The following FAM53B variants were observed in gnomAD, a reference collection of about 807,000 sequenced individuals.
The protein encoded by FAM53B is family with sequence similarity 53 member B.
Under a neutral mutation model 32.7 loss-of-function variants are expected in FAM53B, and 12 were observed. The observed-to-expected ratio is 0.37, with a 90% CI of 0.24 to 0.59. The LOEUF is 0.59. Among genes scored for constraint, FAM53B ranks in the 20% least tolerant of loss-of-function variants. The pLI, the probability that FAM53B is intolerant of heterozygous loss-of-function variation, is 0.72. For missense variants in FAM53B, 477 were observed against 577.7 expected (o/e 0.83, Z 1.79); for synonymous variants, 234 against 228.7 (o/e 1.02, Z -0.21).
intron 3 of FAM53B, among the ~76,000 whole-genome samples, chr10:124,690,990 T>C (rs1288729437): frequency 1.4e-4 from 21 of 152,244 alleles, no homozygotes; most frequent in Admixed American, 1.2e-3. Flanking sequence ...GATTTTGTTA[T>C]TGCTGTCACT....
intron 1 of FAM53B, among the ~76,000 whole-genome samples, chr10:124,717,376 A>C (rs1409060261): frequency 6.6e-6 from 1 of 152,240 alleles, no homozygotes; most frequent in Non-Finnish European, 1.5e-5. Context: ...GAAAATCAAT[A>C]GATTTGAAGG....
chr10:124,682,574 A>G lies in FAM53B; in HGVS notation c.134-195T>C, dbSNP rs1468784784. ...AGGAGAAGTGAATCCCAAGGCTTTG[A>G]GTTGGAAGTTGGAAGCAGAGCAGGG... is the stretch of plus-strand genomic sequence containing the variant. On this transcript the variant is annotated intron_variant, in intron 3 of 4. Coordinates refer to ENST00000337318, the MANE Select transcript of FAM53B (RefSeq NM_014661.4). This position sits in a 1 kb window ranked among gnomAD's most constrained non-coding sequence, Gnocchi z 5.2. Among the ~76,000 whole-genome samples the G allele has an allele frequency of 6.6e-6, 1 of 152,174 alleles. No homozygotes were observed. Among genetic ancestry groups the G allele is most frequent in the African/African-American group, 2.4e-5 (1 of 41,438 alleles).
intron 4 of FAM53B, among the ~76,000 whole-genome samples, chr10:124,653,453 C>T (rs897307): frequency 0.92 from 140,630 of 152,290 alleles, 65,653 homozygotes; most frequent in Non-Finnish European, 0.99. Context: ...GCCAGGGTCC[C>T]GGATGGCCAG....
chr10:124,710,061 G>A (rs981517297), intron 1 of FAM53B, among the ~76,000 whole-genome samples: 11 of 152,366 alleles, frequency 7.2e-5, no homozygotes, highest in Middle Eastern at 3.4e-3. Flanking sequence ...TAAGCAAGGC[G>A]TGGCCGCCGG....
chr10:124,713,254 CAAGAA>C (rs1950017070), intron 1 of FAM53B, among the ~76,000 whole-genome samples: 2 of 152,204 alleles, frequency 1.3e-5, no homozygotes, highest in South Asian at 4.1e-4. Flanking sequence ...ACTGAGGCTC[CAAGAA>C]AAGAAATCAA....
chr10:124,711,469 G>A (rs111609646), intron 1 of FAM53B, among the ~76,000 whole-genome samples: 8 of 152,198 alleles, frequency 5.3e-5, no homozygotes, highest in Non-Finnish European at 8.8e-5. Context: ...AGGGGACAGC[G>A]AGTAAGGGAT....
At chr10:124,635,670 C>T (rs924599497) in intron 4 of FAM53B, among the ~76,000 whole-genome samples, 3 of 152,128 alleles carry the variant, frequency 2.0e-5, no homozygotes, top group African/African-American at 4.8e-5. Context: ...AGGCACACGA[C>T]GTGTGACCAA....
chr10:124,722,446 T>C (rs7097890), intron 1 of FAM53B, among the ~76,000 whole-genome samples: 50,827 of 152,016 alleles, frequency 0.33, 8,781 homozygotes, highest in Admixed American at 0.41. Context: ...TATATTAAGC[T>C]CCCATTTGGG....
In FAM53B at chr10:124,682,476, T is replaced by C. The variant is rs1949779851; in HGVS notation, c.134-97A>G. On this transcript the variant is annotated intron_variant, in intron 3 of 4. Coordinates refer to ENST00000337318, the MANE Select transcript of FAM53B (RefSeq NM_014661.4). This position sits in a 1 kb window ranked among gnomAD's most constrained non-coding sequence, Gnocchi z 5.2. ...CCAACAGCCCGTTTCAAACACAGTATCTTAGAGCCAAAAGGCCCTTAGAAA... is the reference window on the plus strand; with the variant it reads ...CCAACAGCCCGTTTCAAACACAGTACCTTAGAGCCAAAAGGCCCTTAGAAA... The C allele has an allele frequency of 4.5e-6, 5 of 1,120,648 alleles. No individual in the cohort carries two copies. Among genetic ancestry groups the C allele is most frequent in the Non-Finnish European group, 5.0e-6 (4 of 802,482 alleles). The allele number at this position is 1,120,648 out of a possible 1,614,324, so 69.4% of individuals were successfully genotyped here. A position where few individuals can be genotyped will look rare whatever the true frequency, so the allele number is the denominator to read the frequency against.
chr10:124,720,930 T>C (rs1247856755), intron 1 of FAM53B, among the ~76,000 whole-genome samples: 1 of 152,230 alleles, frequency 6.6e-6, no homozygotes, highest in Admixed American at 6.5e-5. Flanking sequence ...CCGGGTGCGG[T>C]GGCTCACACC....
rs760376084 is a variant in FAM53B, at chr10:124,742,062, TCGCCTC to T, written c.-175+1945_-175+1950del. Among the ~76,000 whole-genome samples, 911 of 152,324 alleles carry T rather than the reference TCGCCTC, an allele frequency of 6.0e-3. 11 individuals are homozygous for T. Among genetic ancestry groups the T allele is most frequent in the Middle Eastern group, 0.027 (8 of 294 alleles). Reference sequence around the variant, plus strand: ...TTGGGCAACATTATTTGAATTTAAATCGCCTCGTTCTCTGAAGGAACGTTTGGAAGA... The same window carrying T: ...TTGGGCAACATTATTTGAATTTAAATGTTCTCTGAAGGAACGTTTGGAAGA... On this transcript the variant is annotated intron_variant, in intron 1 of 4. Transcript: ENST00000337318.
rs139860472 is a variant in FAM53B at position 124,729,484 on chromosome 10, A to C, written c.-175+14529T>G. 2.0e-5 allele frequency among the ~76,000 whole-genome samples: 3 copies of C among 152,354 alleles called. No individual in the cohort carries two copies. The East Asian group carries it at 5.8e-4, about 29-fold the overall frequency. ...ATGCAACTATTCTAGAGCTAAGTTCATCAGGCTTACTTATCTGGTTTTCTT... is the reference window on the plus strand; with the variant it reads ...ATGCAACTATTCTAGAGCTAAGTTCCTCAGGCTTACTTATCTGGTTTTCTT... On this transcript the variant is annotated intron_variant, in intron 1 of 4. Transcript: ENST00000337318.
At chr10:124,741,738 T>C (rs1950201212) in intron 1 of FAM53B, among the ~76,000 whole-genome samples, 2 of 152,188 alleles carry the variant, frequency 1.3e-5, no homozygotes, top group Admixed American at 6.5e-5. Flanking sequence ...CCATAAAATG[T>C]CAATTAAGCG....
intron 4 of FAM53B, among the ~76,000 whole-genome samples, chr10:124,646,521 C>T (rs190868908): frequency 8.5e-5 from 13 of 152,338 alleles, no homozygotes; most frequent in Admixed American, 2.0e-4. Context: ...CTTCTGTTTC[C>T]TCCCTGGTCT....
chr10:124,669,100 G>A (rs574577102), intron 4 of FAM53B, among the ~76,000 whole-genome samples: 21 of 152,356 alleles, frequency 1.4e-4, no homozygotes, highest in African/African-American at 5.0e-4. Context: ...GGGGTGTAGG[G>A]GGTAGAAGGC....
Position 124,681,898 on chromosome 10 carries a change from T to C in FAM53B, c.615A>G (p.Gly205=), listed in dbSNP as rs763212961. Residue 205 remains glycine (G), a synonymous_variant, in exon 4 of 5, where the codon GGA becomes GGG. Coordinates refer to ENST00000337318, the MANE Select transcript of FAM53B (RefSeq NM_014661.4). ...CQGVPGSAPC[G]QAGDTWSPDL... Reference sequence around the variant, plus strand: ...CAGGGCTCCAGGTGTCACCTGCCTGTCCACACGGGGCTGAGCCTGGCACCC... The same window carrying C: ...CAGGGCTCCAGGTGTCACCTGCCTGCCCACACGGGGCTGAGCCTGGCACCC... 4.6e-5 allele frequency: 75 copies of C among 1,613,752 alleles called. No homozygotes were observed. Among genetic ancestry groups the C allele is most frequent in the South Asian group, 3.1e-4 (28 of 91,060 alleles).
chr10:124,675,775 C>A (rs150789260), intron 4 of FAM53B, among the ~76,000 whole-genome samples: 2 of 152,374 alleles, frequency 1.3e-5, no homozygotes, highest in East Asian at 3.9e-4. Context: ...GAGCACTGAG[C>A]CTGGGGTCAA....
chr10:124,735,910 T>C (rs1216918075), intron 1 of FAM53B, among the ~76,000 whole-genome samples: 2 of 152,198 alleles, frequency 1.3e-5, no homozygotes, highest in African/African-American at 4.8e-5. Flanking sequence ...GGCTTCTGAT[T>C]CCAAAGCTGA....
In FAM53B at chr10:124,646,631, T is replaced by G. The variant is rs573551094; in HGVS notation, c.907-23027A>C. ...CAGTATCCCTGCCCTCCAGCTCAGATGGCCACCCTGTGACGCTCTTTTGCC... is the reference window on the plus strand; with the variant it reads ...CAGTATCCCTGCCCTCCAGCTCAGAGGGCCACCCTGTGACGCTCTTTTGCC... On this transcript the variant is annotated intron_variant, in intron 4 of 4. Coordinates refer to ENST00000337318, the MANE Select transcript of FAM53B (RefSeq NM_014661.4). Among the ~76,000 whole-genome samples the G allele has an allele frequency of 5.9e-5, 9 of 152,282 alleles. No homozygotes were observed. The East Asian group carries it at 1.5e-3, about 26-fold the overall frequency.
Sources: allele counts gnomAD v4.1 joint callset (sites outside exome capture counted in the v4.1 genomes callset), GRCh38; gene constraint gnomAD v4.1.1; non-coding constraint Gnocchi (gnomAD v3.1); transcripts MANE v1.5; gene names NCBI Gene and HGNC (gene_info 2026-07-23, HGNC 2026-07-21).